Variants in PI4K2A observed in about 807,000 individuals in gnomAD.
PI4K2A encodes phosphatidylinositol 4-kinase type 2 alpha.
In PI4K2A, 20 loss-of-function variants were observed where a neutral mutation model predicts 55.0. The observed-to-expected ratio is 0.36, with a 90% CI of 0.26 to 0.53. PI4K2A has a LOEUF of 0.53. Ranked by LOEUF, PI4K2A falls within the 20% of genes least tolerant of loss-of-function variation. The probability of loss-of-function intolerance (pLI) is 0.91; values close to 1 mark genes in which losing one functional copy is unlikely to be tolerated. For missense variants in PI4K2A, 463 were observed against 637.1 expected (o/e 0.73, Z 2.94); for synonymous variants, 235 against 258.5 (o/e 0.91, Z 0.87).
intron 5 of PI4K2A, among the ~76,000 whole-genome samples, chr10:97,664,641 T>C (rs952955476): frequency 4.6e-5 from 7 of 152,238 alleles, no homozygotes; most frequent in African/African-American, 1.7e-4. Context: ...GTAGCAACTC[T>C]TGGGGAAGTG....
chr10:97,660,686 CATT>C (rs1020224159), intron 4 of PI4K2A, among the ~76,000 whole-genome samples: 4 of 151,140 alleles, frequency 2.6e-5, no homozygotes, highest in African/African-American at 7.3e-5. Context: ...TTACCATAAT[CATT>C]ATAAAATATA....
chr10:97,673,462 A>AT, intron 8 of PI4K2A, 119 bp from the exon 9 acceptor site: 1 of 743,658 alleles, frequency 1.3e-6, no homozygotes, highest in South Asian at 2.3e-5. Context: ...TATTTGCATG[A>AT]TTTTCCATTG....
intron 4 of PI4K2A, among the ~76,000 whole-genome samples, chr10:97,662,320 A>G (rs1048294846): frequency 2.6e-5 from 4 of 151,822 alleles, no homozygotes; most frequent in Non-Finnish European, 5.9e-5. Flanking sequence ...GTTGTTTTTC[A>G]TTGTCAAATA....
intron 1 of PI4K2A, among the ~76,000 whole-genome samples, chr10:97,645,033 C>T (rs2041498341): frequency 6.6e-6 from 1 of 152,114 alleles, no homozygotes; most frequent in Non-Finnish European, 1.5e-5. Context: ...ACATACCCCC[C>T]TCACTTACCT....
intron 4 of PI4K2A, among the ~76,000 whole-genome samples, chr10:97,659,395 A>T (rs559022170): frequency 1.4e-5 from 2 of 146,216 alleles, no homozygotes; most frequent in Non-Finnish European, 3.1e-5. Context: ...TATTAGTTCT[A>T]GTAGTTATTT....
At chr10:97,642,960 T>C (rs945254501) in intron 1 of PI4K2A, among the ~76,000 whole-genome samples, 4 of 149,012 alleles carry the variant, frequency 2.7e-5, no homozygotes, top group Admixed American at 6.7e-5. Context: ...TTCTTTCTTT[T>C]TCTTTCTTTC....
At chr10:97,642,884 T>TCTTTCTTTCTTTCTTCCTTCCTTC (rs1564772365) in intron 1 of PI4K2A, among the ~76,000 whole-genome samples, 1 of 96,882 alleles carries the variant, frequency 1.0e-5, no homozygotes, top group Admixed American at 9.6e-5. Flanking sequence ...TTTCTTTCTT[T>TCTTTCTTTCTTTCTTCCTTCCTTC]CTTCCTTCCT....
At chr10:97,660,933 A>ATT (rs36016508) in intron 4 of PI4K2A, among the ~76,000 whole-genome samples, 30,152 of 146,344 alleles carry the variant, frequency 0.21, 3,284 homozygotes, top group East Asian at 0.39. Context: ...TCCCTGCTGG[A>ATT]TTTTTTTTTT....
rs563836778 is a variant in PI4K2A at position 97,640,691 on chromosome 10, G to T, written c.-52G>T. On this transcript the variant is annotated 5_prime_UTR_variant, in exon 1 of 9. Transcript: ENST00000370631. Reference sequence around the variant, plus strand: ...GGGATGTCACGGATTGGTCGCGGCCGCGAGCGCAGTGGTGTGGAGCGCGCC... The same window carrying T: ...GGGATGTCACGGATTGGTCGCGGCCTCGAGCGCAGTGGTGTGGAGCGCGCC... The T allele has an allele frequency of 7.6e-6, 10 of 1,312,980 alleles. No individual in the cohort carries two copies. The East Asian group carries it at 2.3e-4, about 30-fold the overall frequency. The allele number at this position is 1,312,980 out of a possible 1,614,324, so 81.3% of individuals were successfully genotyped here.
rs1177934872 is a variant in PI4K2A at position 97,641,175 on chromosome 10, G to C, written c.433G>C (p.Gly145Arg). 3 of 1,602,080 alleles carry C rather than the reference G, an allele frequency of 1.9e-6. No individual in the cohort carries two copies. The Admixed American group carries it at 5.1e-5, about 27-fold the overall frequency. Residue 145 changes from glycine (G) to arginine (R), a missense_variant and splice_region_variant, in exon 1 of 9, where the codon GGG becomes CGG. Around this residue, in one of 2 missense-constraint regions of PI4K2A, gnomAD observed 277 missense variants for 432.6 expected, o/e 0.64. Transcript: ENST00000370631. Reference sequence around the variant, plus strand: ...AAGCTACTTCGTCAAGGACCCTCAGGGGGTGAGTGCGGGGGTGGGGACCGC... The same window carrying C: ...AAGCTACTTCGTCAAGGACCCTCAGCGGGTGAGTGCGGGGGTGGGGACCGC...
intron 4 of PI4K2A, among the ~76,000 whole-genome samples, chr10:97,658,051 TC>T (rs2135757135): frequency 6.6e-6 from 1 of 152,260 alleles, no homozygotes; most frequent in East Asian, 1.9e-4. Flanking sequence ...GCCAGGCTGG[TC>T]TTGAACTGAC....
At chr10:97,644,901 A>G (rs929807297) in intron 1 of PI4K2A, among the ~76,000 whole-genome samples, 41 of 152,090 alleles carry the variant, frequency 2.7e-4, no homozygotes, top group African/African-American at 8.7e-4. Flanking sequence ...TTTGGATCTT[A>G]GACAGTCTGA....
intron 8 of PI4K2A, among the ~76,000 whole-genome samples, 156 bp downstream of exon 8, chr10:97,667,276 C>T (rs1814461656): frequency 6.6e-6 from 1 of 151,754 alleles, no homozygotes; most frequent in Admixed American, 6.6e-5. Flanking sequence ...GTGGCATGAT[C>T]TCTGCTCACT....
At chr10:97,649,609 A>ATTTTTTTTTTTTTTTTTTTTTTTT (rs60329004) in intron 1 of PI4K2A, among the ~76,000 whole-genome samples, 1 of 70,502 alleles carries the variant, frequency 1.4e-5, no homozygotes, top group Non-Finnish European at 3.1e-5. Flanking sequence ...TCCATAATAG[A>ATTTTTTTTTTTTTTTTTTTTTTTT]TTTTTTTTTT....
chr10:97,653,534 C>T lies in PI4K2A; in HGVS notation c.636+2393C>T, dbSNP rs189950334. Among the ~76,000 whole-genome samples the T allele has an allele frequency of 3.8e-4, 58 of 152,334 alleles. 1 individual carries two copies. Among genetic ancestry groups the T allele is most frequent in the African/African-American group, 1.2e-3 (50 of 41,578 alleles). ...TTAGTGTCACCCCCACAATCCCTTT[C>T]GTCCCTATCTTTGGTCTTCCTCTTT... On this transcript the variant is annotated intron_variant, in intron 2 of 8. Transcript: ENST00000370631.
At chr10:97,673,513 T>A in intron 8 of PI4K2A, 68 bp from the exon 9 acceptor site, 3 of 1,363,202 alleles carry the variant, frequency 2.2e-6, no homozygotes, top group Non-Finnish European at 3.1e-6. Flanking sequence ...TCTCTACTGA[T>A]CTCCTTTCAG....
chr10:97,650,719 T>G (rs2041526749), intron 1 of PI4K2A, among the ~76,000 whole-genome samples: 1 of 152,206 alleles, frequency 6.6e-6, no homozygotes, highest in Non-Finnish European at 1.5e-5. Flanking sequence ...AAGAGAAGAC[T>G]TAAGATGTTC....
exon 9 of PI4K2A, chr10:97,674,426 A>G (rs2041651506): frequency 6.6e-6 from 1 of 152,240 alleles, no homozygotes; most frequent in Non-Finnish European, 1.5e-5. Flanking sequence ...ACACAATCAT[A>G]GAGAACCTCT....
chr10:97,659,955 T>G (rs2041572549), intron 4 of PI4K2A, among the ~76,000 whole-genome samples: 1 of 152,000 alleles, frequency 6.6e-6, no homozygotes, highest in Non-Finnish European at 1.5e-5. Context: ...GTATTGATTT[T>G]TACCTTTTCT....
Sources: allele counts gnomAD v4.1 joint callset (sites outside exome capture counted in the v4.1 genomes callset), GRCh38; gene constraint gnomAD v4.1.1; regional missense constraint gnomAD v4.1.1; transcripts MANE v1.5; gene names NCBI Gene and HGNC (gene_info 2026-07-23, HGNC 2026-07-21).